Variants in SLC5A8 observed in about 807,000 individuals in gnomAD.
SLC5A8 encodes the protein solute carrier family 5 member 8.
In SLC5A8, 55 loss-of-function variants were observed where a neutral mutation model predicts 71.9. The ratio of observed to expected loss-of-function variants is 0.77; its 90% CI spans 0.62 to 0.96. The LOEUF is 0.96. Among genes scored for constraint, SLC5A8 ranks in the 40% least tolerant of loss-of-function variants. The probability of loss-of-function intolerance (pLI) is 0.00; values close to 1 mark genes in which losing one functional copy is unlikely to be tolerated. For synonymous variants in SLC5A8, 307 were observed against 276.1 expected, an observed-to-expected ratio of 1.11 and a Z score of -1.11; for missense variants, 701 against 745.3, an observed-to-expected ratio of 0.94 and a Z score of 0.69.
intron 10 of SLC5A8, among the ~76,000 whole-genome samples, chr12:101,176,048 A>G (rs1174219008): frequency 6.6e-6 from 1 of 152,088 alleles, no homozygotes; most frequent in Non-Finnish European, 1.5e-5. Flanking sequence ...ATGAAAAGAC[A>G]GAGATTGACA....
At chr12:101,177,478 CGCAT>C (rs1414931876) in intron 10 of SLC5A8, among the ~76,000 whole-genome samples, 2 of 144,000 alleles carry the variant, frequency 1.4e-5, no homozygotes, top group African/African-American at 5.7e-5. Context: ...CACACACACA[CGCAT>C]GCATGCACAC....
chr12:101,188,328 T>A (rs746597471), intron 6 of SLC5A8, among the ~76,000 whole-genome samples: 11 of 152,228 alleles, frequency 7.2e-5, no homozygotes, highest in Non-Finnish European at 1.6e-4. Flanking sequence ...TATGTCTTAA[T>A]AATCAGTTGA....
At chr12:101,161,945 TACA>T (rs1319618745) in intron 13 of SLC5A8, 26 bp downstream of exon 13, 8 of 1,483,958 alleles carry the variant, frequency 5.4e-6, no homozygotes, top group African/African-American at 2.8e-5. Flanking sequence ...TAGAGGTAAA[TACA>T]ACAATACTAA....
At chr12:101,186,722 T>G (rs1868659838) in intron 7 of SLC5A8, among the ~76,000 whole-genome samples, 1 of 152,234 alleles carries the variant, frequency 6.6e-6, no homozygotes, top group African/African-American at 2.4e-5. Context: ...CTGTGAAGAT[T>G]AAAAGTTGAA....
rs1237347689 is a variant in SLC5A8, at chr12:101,190,710, C to A, written c.693-102G>T. On this transcript the variant is annotated intron_variant, in intron 5 of 14. Transcript: ENST00000536262. ...AGCAAGCAATGCACATTTATATACA[C>A]AACACATACATAAATATGTAAAAAT... is the stretch of plus-strand genomic sequence containing the variant. 5 of 829,832 alleles carry A rather than the reference C, an allele frequency of 6.0e-6. No homozygotes were observed. The East Asian group carries it at 9.7e-5, about 16-fold the overall frequency. 51.4% of individuals were successfully genotyped at this position (829,832 alleles called of 1,614,324 possible).
chr12:101,158,149 T>G, intron 14 of SLC5A8, 100 bp downstream of exon 14: 1 of 841,354 alleles, frequency 1.2e-6, no homozygotes, highest in South Asian at 1.5e-5. Flanking sequence ...ATACCTTCCT[T>G]GTCCATCACT....
rs773732706 is a variant in SLC5A8, at chr12:101,158,229, G to A, written c.1710+20C>T. 5 of 1,523,824 alleles carry A rather than the reference G, an allele frequency of 3.3e-6. No homozygotes were observed. In the South Asian group the frequency reaches 4.6e-5, roughly 14 times the overall value. 94.4% of individuals were successfully genotyped at this position (1,523,824 alleles called of 1,614,324 possible). A position where few individuals can be genotyped will look rare whatever the true frequency, so the allele number is the denominator to read the frequency against. On this transcript the variant is annotated intron_variant, in intron 14 of 14. Coordinates refer to ENST00000536262, the MANE Select transcript of SLC5A8 (RefSeq NM_145913.5). Reference sequence around the variant, plus strand: ...ATAAAGCCCAGTTTCCTAACTCAAGGTAAATGAAAGCCAACTCACTTTCTT... The same window carrying A: ...ATAAAGCCCAGTTTCCTAACTCAAGATAAATGAAAGCCAACTCACTTTCTT...
intron 11 of SLC5A8, among the ~76,000 whole-genome samples, chr12:101,167,298 T>C (rs1566307577): frequency 6.6e-6 from 1 of 152,178 alleles, no homozygotes; most frequent in Non-Finnish European, 1.5e-5. Flanking sequence ...TTGAGGATAA[T>C]AAATAATAAC....
At chr12:101,171,355 A>G (rs557995276) in intron 10 of SLC5A8, among the ~76,000 whole-genome samples, 1 of 152,240 alleles carries the variant, frequency 6.6e-6, no homozygotes, top group Admixed American at 6.5e-5. Context: ...GAGTGGCCTT[A>G]TGCCTATCAT....
chr12:101,177,442 T>TACAC (rs1491440045), intron 10 of SLC5A8, among the ~76,000 whole-genome samples: 4,385 of 133,298 alleles, frequency 0.033, 82 homozygotes, highest in Middle Eastern at 0.062. Context: ...AAAGGCAGTA[T>TACAC]ATACACACAC....
chr12:101,198,022 G>A (rs1248443352), intron 3 of SLC5A8, among the ~76,000 whole-genome samples: 1 of 151,876 alleles, frequency 6.6e-6, no homozygotes, highest in Non-Finnish European at 1.5e-5. Flanking sequence ...ATAACAAAAA[G>A]ACATGATAGA....
At chr12:101,190,635 T>C (rs1330112892) in intron 5 of SLC5A8, 27 bp from the exon 6 acceptor site, 1 of 1,587,022 alleles carries the variant, frequency 6.3e-7, no homozygotes, top group East Asian at 2.3e-5. Flanking sequence ...AGAAAACAAA[T>C]CTGAACTATT....
intron 12 of SLC5A8, among the ~76,000 whole-genome samples, chr12:101,164,130 T>C (rs1566306046): frequency 6.6e-6 from 1 of 152,050 alleles, no homozygotes; most frequent in Non-Finnish European, 1.5e-5. Flanking sequence ...AAATTAAAAT[T>C]AAGAAATTTT....
chr12:101,193,789 G>T lies in SLC5A8; in HGVS notation c.538-10C>A, dbSNP rs767607502. 6.2e-7 allele frequency: 1 copy of T among 1,613,330 alleles called. No homozygotes were observed. The highest frequency in any genetic ancestry group is 1.1e-5 in the South Asian group (1 of 90,926). ...CTGCTTTAAGACCACCCTTTGAGGG[G>T]AAAGTATATTAGGATTAATGCTTCT... is the stretch of plus-strand genomic sequence containing the variant. On this transcript the variant is annotated splice_polypyrimidine_tract_variant and intron_variant, in intron 4 of 14. Coordinates refer to ENST00000536262, the MANE Select transcript of SLC5A8 (RefSeq NM_145913.5).
intron 3 of SLC5A8, among the ~76,000 whole-genome samples, chr12:101,197,170 A>G (rs923223970): frequency 6.6e-6 from 1 of 152,246 alleles, no homozygotes; most frequent in African/African-American, 2.4e-5. Flanking sequence ...TAAGGGGAAA[A>G]ATCTGACATT....
At chr12:101,178,785 T>C (rs1265749396) in intron 10 of SLC5A8, among the ~76,000 whole-genome samples, 1 of 150,946 alleles carries the variant, frequency 6.6e-6, no homozygotes, top group African/African-American at 2.4e-5. Flanking sequence ...ACACAATCCA[T>C]GAAAGGACAA....
Position 101,173,569 on chromosome 12 carries a change from G to C in SLC5A8, c.1234-5387C>G, listed in dbSNP as rs550788604. 5.3e-5 allele frequency among the ~76,000 whole-genome samples: 8 copies of C among 152,322 alleles called. No individual in the cohort carries two copies. In the East Asian group the frequency reaches 1.5e-3, roughly 29 times the overall value. Reference sequence around the variant, plus strand: ...GACTTGGGCATGTTGCCTATGGGCTGCTGCCAGCAACACTCAGCAGACATC... The same window carrying C: ...GACTTGGGCATGTTGCCTATGGGCTCCTGCCAGCAACACTCAGCAGACATC... On this transcript the variant is annotated intron_variant, in intron 10 of 14. Coordinates refer to ENST00000536262, the MANE Select transcript of SLC5A8 (RefSeq NM_145913.5).
chr12:101,173,645 A>G (rs1183913053), intron 10 of SLC5A8, among the ~76,000 whole-genome samples: 1 of 152,194 alleles, frequency 6.6e-6, no homozygotes, highest in Non-Finnish European at 1.5e-5. Context: ...GCTGGAGTGC[A>G]TGGTGGGCTG....
chr12:101,192,782 A>G (rs946456936), intron 5 of SLC5A8, among the ~76,000 whole-genome samples: 3 of 152,180 alleles, frequency 2.0e-5, no homozygotes, highest in Non-Finnish European at 4.4e-5. Flanking sequence ...CATAATCATA[A>G]GCTACTATGT....
Sources: allele counts gnomAD v4.1 joint callset (sites outside exome capture counted in the v4.1 genomes callset), GRCh38; gene constraint gnomAD v4.1.1; transcripts MANE v1.5; gene names NCBI Gene and HGNC (gene_info 2026-07-23, HGNC 2026-07-21).